NOP53: variants seen among roughly 807,000 people sequenced by gnomAD.
NOP53 encodes ribosome biogenesis protein NOP53.
In NOP53, 40 loss-of-function variants were observed where a neutral mutation model predicts 61.0. The ratio of observed to expected loss-of-function variants is 0.66; its 90% CI spans 0.51 to 0.85. NOP53 has a LOEUF of 0.85. Ranked by LOEUF, NOP53 falls within the 40% of genes least tolerant of loss-of-function variation. The probability of loss-of-function intolerance (pLI) is 0.00; values close to 1 mark genes in which losing one functional copy is unlikely to be tolerated. For synonymous variants in NOP53, 308 were observed against 289.5 expected (o/e 1.06, Z -0.65); for missense variants, 689 against 652.9 (o/e 1.06, Z -0.60).
At chr19:47,749,818 C>T (rs367548024) in intron 2 of NOP53, among the ~76,000 whole-genome samples, 75 of 152,050 alleles carry the variant, frequency 4.9e-4, no homozygotes, top group Admixed American at 1.0e-3. Flanking sequence ...TGGGCTCAAG[C>T]GATCCTCCCA....
At chr19:47,750,498 G>A (rs970796064) in intron 3 of NOP53, among the ~76,000 whole-genome samples, 1 of 152,046 alleles carries the variant, frequency 6.6e-6, no homozygotes, top group Admixed American at 6.6e-5. Context: ...TGGGGGCTTC[G>A]GGGTTGGAGA....
chr19:47,755,241 C>T (rs961035110), intron 8 of NOP53, 107 bp from the exon 9 acceptor site: 6 of 714,102 alleles, frequency 8.4e-6, no homozygotes, highest in Non-Finnish European at 1.1e-5. Context: ...TTAGGAAGGG[C>T]CTCCGGGGAC....
In NOP53 at chr19:47,756,570, A is replaced by G; in HGVS notation, c.1339A>G (p.Arg447Gly). ...TCGAGACCGGTTCAAGAGCTTCCAGAGGAGGAATATGATCGAGCCTCGAGA... is the reference window on the plus strand; with the variant it reads ...TCGAGACCGGTTCAAGAGCTTCCAGGGGAGGAATATGATCGAGCCTCGAGA... ...ILRDRFKSFQ[R>G]RNMIEPRERA... is the part of the protein sequence containing the mutation. The change falls in exon 11 of 13, where the codon AGG becomes GGG. Residue 447 changes from arginine to glycine, a missense_variant. Physicochemically the swap from Arg to Gly is moderately radical, Grantham distance 125. Coordinates refer to ENST00000246802, the MANE Select transcript of NOP53 (RefSeq NM_015710.5). The G allele has an allele frequency of 6.2e-7, 1 of 1,613,998 alleles. No homozygotes were observed. The highest frequency in any genetic ancestry group is 2.2e-5 in the East Asian group (1 of 44,856).
Position 47,754,458 on chromosome 19 carries a change from G to T in NOP53, c.766-69G>T, listed in dbSNP as rs571580106. ...CGGGCACTGGATGAGGGACAGATGG[G>T]AGGTAAGAGGGTCTAGTCTCAGTGT... On this transcript the variant is annotated intron_variant, in intron 6 of 12. Coordinates refer to ENST00000246802, the MANE Select transcript of NOP53 (RefSeq NM_015710.5). This position sits in a 1 kb window ranked among gnomAD's most constrained non-coding sequence, Gnocchi z 4.2. 561 of 1,195,366 alleles carry T rather than the reference G, an allele frequency of 4.7e-4. No individual in the cohort carries two copies. Among genetic ancestry groups the T allele is most frequent in the Non-Finnish European group, 6.6e-4 (546 of 829,628 alleles). 74.0% of individuals were successfully genotyped at this position (1,195,366 alleles called of 1,614,324 possible).
In NOP53 at chr19:47,750,177, G is replaced by T; in HGVS notation, c.290-1G>T. 6.3e-7 allele frequency: 1 copy of T among 1,598,428 alleles called. No individual in the cohort carries two copies. The highest frequency in any genetic ancestry group is 1.1e-5 in the South Asian group (1 of 90,712). On this transcript the variant is annotated splice_acceptor_variant, in intron 2 of 12. Transcript: ENST00000246802. LOFTEE classifies it high-confidence loss of function. ...TGACTTGTTCTCTTTCCCATTCTTA[G>T]GGCTGACAAAGAAGAGAACCAAAGT...
intron 1 of NOP53, chr19:47,746,120 ATG>A (rs1258215927): frequency 1.2e-5 from 4 of 325,962 alleles, no homozygotes; most frequent in African/African-American, 6.5e-5. Flanking sequence ...GTATGTATAT[ATG>A]TGTGTGTATA....
At chr19:47,755,311 C>T (rs758426105) in intron 8 of NOP53, 37 bp from the exon 9 acceptor site, 2 of 1,377,694 alleles carry the variant, frequency 1.5e-6, no homozygotes, top group African/African-American at 1.5e-5. Context: ...GTGTGGGCAG[C>T]ACCGGCCTGA....
Position 47,756,292 on chromosome 19 carries a change from C to T in NOP53, c.1297-236C>T, listed in dbSNP as rs1568601186. The T allele has an allele frequency of 2.4e-5, 14 of 581,062 alleles. No homozygotes were observed. In the East Asian group the frequency reaches 2.5e-4, roughly 11 times the overall value. 36.0% of individuals were successfully genotyped at this position (581,062 alleles called of 1,614,324 possible). On this transcript the variant is annotated intron_variant, in intron 10 of 12. Coordinates refer to ENST00000246802, the MANE Select transcript of NOP53 (RefSeq NM_015710.5). Reference sequence around the variant, plus strand: ...GCCCTCGCTGTCCCCTTTTCTGTGTCGTCACCAGCCCACTTCCCGTGACTC... The same window carrying T: ...GCCCTCGCTGTCCCCTTTTCTGTGTTGTCACCAGCCCACTTCCCGTGACTC...
intron 8 of NOP53, among the ~76,000 whole-genome samples, chr19:47,755,130 G>A (rs902554315): frequency 2.0e-5 from 3 of 152,128 alleles, no homozygotes; most frequent in African/African-American, 7.2e-5. Context: ...GGCGGGGTGG[G>A]GGGAGGTTTC....
chr19:47,755,778 G>A lies in NOP53; in HGVS notation c.1252G>A (p.Val418Met), dbSNP rs1467314500. 3.1e-6 allele frequency: 5 copies of A among 1,611,022 alleles called. No homozygotes were observed. The highest frequency in any genetic ancestry group is 1.9e-4 in the Middle Eastern group (1 of 5,390). Residue 418 changes from valine (V) to methionine (M), a missense_variant, in exon 10 of 13, where the codon GTG becomes ATG. Val to Met is a conservative substitution (Grantham distance 21, BLOSUM62 1). Coordinates refer to ENST00000246802, the MANE Select transcript of NOP53 (RefSeq NM_015710.5). ...RLKYQAPDIDVQLSSELTDSL... is the reference protein window; with the variant it reads ...RLKYQAPDIDMQLSSELTDSL... ...CAGGTACCAGGCACCTGACATCGAC[G>A]TGCAGCTGAGCTCGGAGCTGACAGA...
intron 12 of NOP53, 123 bp downstream of exon 12, chr19:47,756,867 C>T (rs1189083681): frequency 2.5e-5 from 38 of 1,507,450 alleles, no homozygotes; most frequent in Non-Finnish European, 3.0e-5. Flanking sequence ...TGGCCATGCC[C>T]AGAAGAGGCC....
At position 47,756,437 on chromosome 19, in the gene NOP53, A is replaced by C. The variant is rs1967198846; in HGVS notation, c.1297-91A>C. 4 of 1,012,644 alleles carry C rather than the reference A, an allele frequency of 4.0e-6. No homozygotes were observed. In the Admixed American group the frequency reaches 8.2e-5, roughly 21 times the overall value. 62.7% of individuals were successfully genotyped at this position (1,012,644 alleles called of 1,614,324 possible). On this transcript the variant is annotated intron_variant, in intron 10 of 12. Transcript: ENST00000246802. ...ACAGGCTGCCCTGGGGGGAGACTGC[A>C]TGGGGCTGAGCCCTGCCAGGACCCC...
intron 2 of NOP53, 112 bp from the exon 3 acceptor site, chr19:47,750,066 C>T (rs1967105881): frequency 1.5e-6 from 1 of 666,518 alleles, no homozygotes; most frequent in Non-Finnish European, 2.7e-6. Context: ...TCCAAGTCTC[C>T]TGGGGTGACT....
chr19:47,751,295 T>G, intron 4 of NOP53, 188 bp downstream of exon 4: 1 of 662,246 alleles, frequency 1.5e-6, no homozygotes, highest in Non-Finnish European at 2.6e-6. Flanking sequence ...TCCTGAGTTG[T>G]GAGGCTTCAG....
At chr19:47,749,544 T>G (rs1351583382) in intron 2 of NOP53, among the ~76,000 whole-genome samples, 1 of 152,160 alleles carries the variant, frequency 6.6e-6, no homozygotes, top group African/African-American at 2.4e-5. Flanking sequence ...AGGGTGTTAT[T>G]CCATTCTAGA....
At chr19:47,748,265 A>G (rs1375779117) in intron 2 of NOP53, among the ~76,000 whole-genome samples, 3 of 151,926 alleles carry the variant, frequency 2.0e-5, no homozygotes, top group Admixed American at 1.3e-4. Flanking sequence ...TGCTTTAGTG[A>G]GCGGGTAACA....
intron 2 of NOP53, among the ~76,000 whole-genome samples, chr19:47,749,167 A>G (rs1967096483): frequency 6.6e-6 from 1 of 152,162 alleles, no homozygotes; most frequent in Admixed American, 6.5e-5. Flanking sequence ...TCTCAAAAAA[A>G]AAAAAAAGTG....
In NOP53 at chr19:47,755,775, G is replaced by T. The variant is rs1289391080; in HGVS notation, c.1249G>T (p.Asp417Tyr). The change falls in exon 10 of 13, where the codon GAC (aspartate) becomes TAC (tyrosine). Residue 417 changes from aspartate (D) to tyrosine (Y), a missense_variant. Asp to Tyr is a radical substitution (Grantham distance 160). Transcript: ENST00000246802. ...GRLKYQAPDI[D>Y]VQLSSELTDS... ...CTGCAGGTACCAGGCACCTGACATC[G>T]ACGTGCAGCTGAGCTCGGAGCTGAC... 4.3e-6 allele frequency: 7 copies of T among 1,610,748 alleles called. No homozygotes were observed. The highest frequency in any genetic ancestry group is 5.9e-6 in the Non-Finnish European group (7 of 1,178,994).
chr19:47,745,571 AGGCAGTGGCGTTGGTGG>A lies in NOP53; in HGVS notation c.14_30del (p.Gly5GlufsTer34). ...CTTCCTTTGACAAGATGGCGGCAGGAGGCAGTGGCGTTGGTGGGAAGCGCAGCTCGAAAAGCGATGCC... is the reference window on the plus strand; with the variant it reads ...CTTCCTTTGACAAGATGGCGGCAGGAGAAGCGCAGCTCGAAAAGCGATGCC... On this transcript the variant is annotated frameshift_variant, in exon 1 of 13. Transcript: ENST00000246802. LOFTEE classifies it high-confidence loss of function. 1 of 1,613,626 alleles carries A rather than the reference AGGCAGTGGCGTTGGTGG, an allele frequency of 6.2e-7. No individual in the cohort carries two copies. Among genetic ancestry groups the A allele is most frequent in the Non-Finnish European group, 8.5e-7 (1 of 1,179,838 alleles).
Sources: gnomAD v4.1 joint callset for allele counts (sites outside exome capture counted in the v4.1 genomes callset) on GRCh38, gnomAD v4.1.1 for gene constraint, Gnocchi (gnomAD v3.1) non-coding constraint, MANE v1.5 for transcripts, NCBI Gene and HGNC (gene_info 2026-07-23, HGNC 2026-07-21) for gene names.